The following CAMSAP2 variants were observed in gnomAD, a reference collection of about 807,000 sequenced individuals.
The protein encoded by CAMSAP2 is calmodulin regulated spectrin associated protein family member 2.
CAMSAP2 carries 26 observed loss-of-function variants against 146.1 expected under a neutral mutation model. The ratio of observed to expected loss-of-function variants is 0.18; its 90% confidence interval spans 0.13 to 0.25. The LOEUF is 0.25. Ranked by LOEUF, CAMSAP2 falls within the 10% of genes least tolerant of loss-of-function variation. The pLI, the probability that CAMSAP2 is intolerant of heterozygous loss-of-function variation, is 1.00. For missense variants in CAMSAP2, 1,381 were observed against 1,759.3 expected, an observed-to-expected ratio of 0.78 and a Z score of 3.85; for synonymous variants, 499 against 596.6, an observed-to-expected ratio of 0.84 and a Z score of 2.38.
intron 1 of CAMSAP2, among the ~76,000 whole-genome samples, chr1:200,751,049 C>T (rs993869021): frequency 2.6e-5 from 4 of 151,192 alleles, no homozygotes; most frequent in Admixed American, 6.6e-5. Flanking sequence ...ATTACAGGCA[C>T]GTGCCACCAC....
chr1:200,765,264 T>C (rs1255749134), intron 2 of CAMSAP2, among the ~76,000 whole-genome samples: 1 of 150,652 alleles, frequency 6.6e-6, no homozygotes, highest in Non-Finnish European at 1.5e-5. Flanking sequence ...AATTTTGCTC[T>C]TGTCACCCAA....
Position 200,860,154 on chromosome 1 carries a change from T to G in CAMSAP2, c.*2095T>G, listed in dbSNP as rs2102276334. 6.5e-6 allele frequency: 1 copy of G among 152,884 alleles called. No homozygotes were observed. Among genetic ancestry groups the G allele is most frequent in the Admixed American group, 6.5e-5 (1 of 15,306 alleles). 9.5% of individuals were successfully genotyped at this position (152,884 alleles called of 1,614,324 possible). ...AGTTCATTGCTCTCAGTATAAGATT[T>G]TACTTTATTAATGCAGAAGGAATAT... On this transcript the variant is annotated 3_prime_UTR_variant, in exon 17 of 17. Coordinates refer to ENST00000358823, the MANE Select transcript of CAMSAP2 (RefSeq NM_203459.4).
rs530714161 is a variant in CAMSAP2 at position 200,847,335 on chromosome 1, G to T, written c.1192+43G>T. 259 of 1,337,394 alleles carry T rather than the reference G, an allele frequency of 1.9e-4. 3 individuals carry two copies. In the East Asian group the frequency reaches 2.7e-3, roughly 14 times the overall value. The allele number at this position is 1,337,394 out of a possible 1,614,324, so 82.8% of individuals were successfully genotyped here. A position where few individuals can be genotyped will look rare whatever the true frequency, so the allele number is the denominator to read the frequency against. On this transcript the variant is annotated intron_variant, in intron 9 of 16. Transcript: ENST00000358823. The stretch of plus-strand genomic sequence containing the variant: ...GCCTAGGAAAATACTCTTTTAAGTA[G>T]GTTACCTGGGAAATGATTGACAGTA...
At chr1:200,847,325 C>CT in intron 9 of CAMSAP2, 33 bp downstream of exon 9, 3 of 1,431,302 alleles carry the variant, frequency 2.1e-6, no homozygotes, top group Middle Eastern at 3.5e-4. Context: ...GGAAAATACT[C>CT]TTTTAAGTAG....
intron 1 of CAMSAP2, among the ~76,000 whole-genome samples, chr1:200,746,925 C>T (rs1664348856): frequency 6.6e-6 from 1 of 151,618 alleles, no homozygotes; most frequent in Non-Finnish European, 1.5e-5. Context: ...GGCCTAGTCA[C>T]ATTTTTTTTA....
At chr1:200,749,775 G>A (rs2102990323) in intron 1 of CAMSAP2, among the ~76,000 whole-genome samples, 1 of 152,150 alleles carries the variant, frequency 6.6e-6, no homozygotes, top group East Asian at 1.9e-4. Context: ...TGAGATACAG[G>A]GAAAGCAGGA....
chr1:200,846,974 A>G (rs796442341), intron 8 of CAMSAP2, among the ~76,000 whole-genome samples: 2 of 152,348 alleles, frequency 1.3e-5, no homozygotes, highest in African/African-American at 4.8e-5. Flanking sequence ...CATATCTCAC[A>G]AAGACATTGA....
intron 4 of CAMSAP2, among the ~76,000 whole-genome samples, chr1:200,826,029 T>C (rs191075001): frequency 3.0e-4 from 45 of 152,336 alleles, no homozygotes; most frequent in Admixed American, 2.7e-3. Context: ...AAATGCATAC[T>C]GTATGTAGTT....
chr1:200,852,743 A>T, intron 12 of CAMSAP2, 66 bp downstream of exon 12: 1 of 1,509,118 alleles, frequency 6.6e-7, no homozygotes, highest in East Asian at 2.3e-5. Context: ...ATTTAGAAAA[A>T]GTTGGTAAGT....
rs538481500 is a variant in CAMSAP2 at position 200,741,846 on chromosome 1, T to C, written c.139+1880T>C. Among the ~76,000 whole-genome samples, 28 of 152,332 alleles carry C rather than the reference T, an allele frequency of 1.8e-4. 1 individual carries two copies. The South Asian group carries it at 4.6e-3, about 25-fold the overall frequency. Reference sequence around the variant, plus strand: ...TTTGCAGTAAGTTGTACGTTAGAGATTGATAACAAGTCTCTGATGTAGGTA... The same window carrying C: ...TTTGCAGTAAGTTGTACGTTAGAGACTGATAACAAGTCTCTGATGTAGGTA... On this transcript the variant is annotated intron_variant, in intron 1 of 16. Coordinates refer to ENST00000358823, the MANE Select transcript of CAMSAP2 (RefSeq NM_203459.4).
In CAMSAP2 at chr1:200,817,039, T is replaced by C. The variant is rs139560626; in HGVS notation, c.645+1395T>C. Among the ~76,000 whole-genome samples, 142 of 140,418 alleles carry C rather than the reference T, an allele frequency of 1.0e-3. 2 individuals are homozygous for C. Among genetic ancestry groups the C allele is most frequent in the African/African-American group, 3.6e-3 (141 of 38,882 alleles). 92.1% of individuals were successfully genotyped at this position (140,418 alleles called of 152,430 possible). A position where few individuals can be genotyped will look rare whatever the true frequency, so the allele number is the denominator to read the frequency against. ...ACACGTATATATGTGTATACCCACA[T>C]ACACACGTGTATGTGTATACACACA... On this transcript the variant is annotated intron_variant, in intron 4 of 16. Transcript: ENST00000358823.
chr1:200,759,241 T>A (rs1664732046), intron 1 of CAMSAP2, among the ~76,000 whole-genome samples: 1 of 152,004 alleles, frequency 6.6e-6, no homozygotes. Context: ...GAAAGGCTCT[T>A]TTTTTTCTGA....
intron 3 of CAMSAP2, among the ~76,000 whole-genome samples, chr1:200,809,095 C>T (rs998193911): frequency 6.6e-6 from 1 of 152,172 alleles, no homozygotes; most frequent in East Asian, 1.9e-4. Flanking sequence ...TTCATGACAA[C>T]TGTGTTACCC....
At chr1:200,783,957 C>T (rs947132285) in intron 2 of CAMSAP2, among the ~76,000 whole-genome samples, 1 of 151,964 alleles carries the variant, frequency 6.6e-6, no homozygotes, top group Non-Finnish European at 1.5e-5. Context: ...TCGAAGTTTA[C>T]AGTTTTAGCT....
Position 200,739,841 on chromosome 1 carries a change from C to T in CAMSAP2, c.14C>T (p.Ala5Val). Residue 5 changes from alanine to valine, a missense_variant, in exon 1 of 17, where the codon GCA becomes GTA. Around this residue, in one of 4 missense-constraint regions of CAMSAP2, gnomAD observed 284 missense variants for 406.9 expected, o/e 0.70. Coordinates refer to ENST00000358823, the MANE Select transcript of CAMSAP2 (RefSeq NM_203459.4). The surrounding 1 kb of genome is among the most constrained non-coding windows in gnomAD (Gnocchi z 4.8). ...CCGCGGTGAAAGATGGGGGATGCTG[C>T]AGACCCCAGGGAGATGAGAAAGACG... MGDAADPREMRKTFI... is the reference protein window; with the variant it reads MGDAVDPREMRKTFI... The T allele has an allele frequency of 1.2e-6, 2 of 1,613,940 alleles. No homozygotes were observed. The highest frequency in any genetic ancestry group is 2.2e-5 in the East Asian group (1 of 44,860).
intron 4 of CAMSAP2, chr1:200,828,573 T>G (rs1558197530): frequency 6.5e-7 from 1 of 1,550,214 alleles, no homozygotes; most frequent in South Asian, 1.2e-5. Context: ...TCCTCTGAAG[T>G]CTCCTTCCAA....
chr1:200,840,896 A>G (rs1236162109), intron 6 of CAMSAP2, among the ~76,000 whole-genome samples: 2 of 152,196 alleles, frequency 1.3e-5, no homozygotes, highest in African/African-American at 4.8e-5. Context: ...CAGATTTTGT[A>G]GTTTTTAAAA....
chr1:200,832,185 T>C lies in CAMSAP2; in HGVS notation c.646-15T>C, dbSNP rs753726668. 5.0e-6 allele frequency: 8 copies of C among 1,586,510 alleles called. No individual in the cohort carries two copies. The highest frequency in any genetic ancestry group is 6.8e-6 in the Non-Finnish European group (8 of 1,170,862). On this transcript the variant is annotated splice_polypyrimidine_tract_variant and intron_variant, in intron 4 of 16. Transcript: ENST00000358823. This position sits in a 1 kb window ranked among gnomAD's most constrained non-coding sequence, Gnocchi z 4.2. ...TGGTACTTATTTATTTTCATGTATT[T>C]TTTTTATATCGTAGGCTCGTTATCG...
chr1:200,760,612 C>T (rs1664773990), intron 1 of CAMSAP2, among the ~76,000 whole-genome samples: 1 of 152,138 alleles, frequency 6.6e-6, no homozygotes, highest in Admixed American at 6.5e-5. Flanking sequence ...CTTGTAGTCC[C>T]TTTTTGGAAT....
Sources: gnomAD v4.1 joint callset for allele counts (sites outside exome capture counted in the v4.1 genomes callset) on GRCh38, gnomAD v4.1.1 for gene constraint, gnomAD v4.1.1 regional missense constraint, Gnocchi (gnomAD v3.1) non-coding constraint, MANE v1.5 for transcripts, NCBI Gene and HGNC (gene_info 2026-07-23, HGNC 2026-07-21) for gene names.